The following MOV10L1 variants were observed in gnomAD, a reference collection of about 807,000 sequenced individuals.
The protein encoded by MOV10L1 is RNA helicase Mov10l1.
MOV10L1 carries 110 observed loss-of-function variants against 143.8 expected under a neutral mutation model. The observed-to-expected ratio is 0.76, with a 90% confidence interval of 0.66 to 0.90. MOV10L1 has a LOEUF of 0.90. Among genes scored for constraint, MOV10L1 ranks in the 40% least tolerant of loss-of-function variants. MOV10L1 has a pLI of 0.00. For missense variants in MOV10L1, 1,406 were observed against 1,526.8 expected (o/e 0.92, Z 1.32); for synonymous variants, 593 against 581.1 (o/e 1.02, Z -0.29).
intron 12 of MOV10L1, 82 bp downstream of exon 12, chr22:50,126,354 T>G: frequency 5.4e-5 from 54 of 994,198 alleles, no homozygotes; most frequent in Non-Finnish European, 7.6e-5. Context: ...CCCACGGCTC[T>G]TGGGGAGATG....
intron 1 of MOV10L1, 166 bp downstream of exon 1, chr22:50,090,351 T>TCCGACC: frequency 6.6e-7 from 1 of 1,513,732 alleles, no homozygotes; most frequent in Non-Finnish European, 8.9e-7. Flanking sequence ...TCAGGAGGCT[T>TCCGACC]CCGACCCCAC....
intron 15 of MOV10L1, among the ~76,000 whole-genome samples, chr22:50,137,129 G>T (rs766908035): frequency 2.9e-4 from 44 of 152,164 alleles, no homozygotes; most frequent in Non-Finnish European, 5.1e-4. Flanking sequence ...AATGGACACT[G>T]ACATCTGGTT....
At chr22:50,127,149 G>A (rs2062530940) in intron 12 of MOV10L1, among the ~76,000 whole-genome samples, 1 of 152,080 alleles carries the variant, frequency 6.6e-6, no homozygotes, top group South Asian at 2.1e-4. Context: ...GCCCAAGATG[G>A]CCGAATGACC....
Position 50,125,467 on chromosome 22 carries a change from C to G in MOV10L1, c.1645C>G (p.Leu549Val), listed in dbSNP as rs1173150968. The change falls in exon 11 of 27, where the codon CTG (leucine) becomes GTG (valine). Residue 549 changes from leucine (L) to valine (V), a missense_variant. Around this residue, in one of 3 missense-constraint regions of MOV10L1, gnomAD observed 1,233 missense variants for 1,351.4 expected, o/e 0.91. Coordinates refer to ENST00000262794, the MANE Select transcript of MOV10L1 (RefSeq NM_018995.3). ...WLEEIYAEME[L>V]KEYNMSGIIL... The stretch of plus-strand genomic sequence containing the variant: ...TGAGGAGATTTATGCAGAAATGGAA[C>G]TGAAAGAGTATAACATGAGCGGGAT... The G allele has an allele frequency of 1.9e-6, 3 of 1,614,044 alleles. No individual in the cohort carries two copies. In the Admixed American group the frequency reaches 5.0e-5, roughly 27 times the overall value.
At chr22:50,097,727 C>T (rs1220885882) in intron 2 of MOV10L1, among the ~76,000 whole-genome samples, 1 of 152,116 alleles carries the variant, frequency 6.6e-6, no homozygotes, top group Non-Finnish European at 1.5e-5. Context: ...GACCATTTTG[C>T]CTATTCATGG....
intron 2 of MOV10L1, among the ~76,000 whole-genome samples, 179 bp from the exon 3 acceptor site, chr22:50,099,264 G>A (rs2062674947): frequency 6.6e-6 from 1 of 152,200 alleles, no homozygotes; most frequent in South Asian, 2.1e-4. Context: ...GCCATGTGAG[G>A]ACACAGCAGG....
chr22:50,097,547 A>C (rs1440879083), intron 2 of MOV10L1, among the ~76,000 whole-genome samples: 2 of 152,152 alleles, frequency 1.3e-5, no homozygotes, highest in East Asian at 3.9e-4. Context: ...GGTCCTTGTC[A>C]AAAATCAATT....
chr22:50,096,690 G>A lies in MOV10L1; in HGVS notation c.283-2753G>A, dbSNP rs542819724. Among the ~76,000 whole-genome samples, 20 of 152,026 alleles carry A rather than the reference G, an allele frequency of 1.3e-4. 1 individual carries two copies. Among genetic ancestry groups the A allele is most frequent in the Non-Finnish European group, 2.6e-4 (18 of 68,026 alleles). ...GACAGTAGCTATTCCTCGTAGTTGT[G>A]AGGTAGTATCTCACTGTGGTTTTGA... On this transcript the variant is annotated intron_variant, in intron 2 of 26. Transcript: ENST00000262794.
At position 50,159,470 on chromosome 22, in the gene MOV10L1, C is replaced by T. The variant is rs1170644412; in HGVS notation, c.3217-208C>T. 6.6e-6 allele frequency among the ~76,000 whole-genome samples: 1 copy of T among 152,006 alleles called. No individual in the cohort carries two copies. The highest frequency in any genetic ancestry group is 1.5e-5 in the Non-Finnish European group (1 of 67,992). ...ACAAAAAATTACCCGGGTGTGGTGGCATGCACCCATAATCCCAGCTGCTCA... is the reference window on the plus strand; with the variant it reads ...ACAAAAAATTACCCGGGTGTGGTGGTATGCACCCATAATCCCAGCTGCTCA... On this transcript the variant is annotated intron_variant, in intron 23 of 26. Coordinates refer to ENST00000262794, the MANE Select transcript of MOV10L1 (RefSeq NM_018995.3). The surrounding 1 kb of genome is among the most constrained non-coding windows in gnomAD (Gnocchi z 4.1).
Position 50,090,043 on chromosome 22 carries a change from G to T in MOV10L1, c.-46G>T. On this transcript the variant is annotated 5_prime_UTR_variant, in exon 1 of 27. Coordinates refer to ENST00000262794, the MANE Select transcript of MOV10L1 (RefSeq NM_018995.3). ...CGGCGGGAGCGGCGCGGGCGCGTGC[G>T]GGCGGCGGCAGCGGCGGTGACGGCA... 2.0e-6 allele frequency: 2 copies of T among 984,342 alleles called. No individual in the cohort carries two copies. The highest frequency in any genetic ancestry group is 3.9e-4 in the Middle Eastern group (1 of 2,550). The allele number at this position is 984,342 out of a possible 1,614,324, so 61.0% of individuals were successfully genotyped here.
rs753771524 is a variant in MOV10L1, at chr22:50,091,975, A to G, written c.98-26A>G. 13 of 1,604,296 alleles carry G rather than the reference A, an allele frequency of 8.1e-6. 1 individual carries two copies. In the South Asian group the frequency reaches 1.5e-4, roughly 18 times the overall value. On this transcript the variant is annotated intron_variant, in intron 1 of 26. Coordinates refer to ENST00000262794, the MANE Select transcript of MOV10L1 (RefSeq NM_018995.3). ...GCGTACGCTTGCTTTTATGGCCAAG[A>G]TAACTTCTTTGTTTACCTACCTCAG...
chr22:50,140,233 G>C (rs1402676815), intron 15 of MOV10L1, among the ~76,000 whole-genome samples: 2 of 152,214 alleles, frequency 1.3e-5, no homozygotes, highest in Non-Finnish European at 2.9e-5. Context: ...TATGAAGTTC[G>C]AGAGCATGTG....
At chr22:50,128,671 A>G (rs775335784) in intron 13 of MOV10L1, among the ~76,000 whole-genome samples, 164 bp downstream of exon 13, 1 of 151,390 alleles carries the variant, frequency 6.6e-6, no homozygotes, top group Non-Finnish European at 1.5e-5. Context: ...CGGCCTCCCA[A>G]GTAGCTGGGA....
chr22:50,101,502 A>G (rs1220251303), intron 3 of MOV10L1, among the ~76,000 whole-genome samples: 1 of 149,496 alleles, frequency 6.7e-6, no homozygotes, highest in African/African-American at 2.5e-5. Flanking sequence ...ACTGCGCCTG[A>G]CCTTTTGTGG....
At chr22:50,161,307 C>A in intron 26 of MOV10L1, 61 bp from the exon 27 acceptor site, 1 of 1,348,456 alleles carries the variant, frequency 7.4e-7, no homozygotes, top group South Asian at 1.4e-5. Context: ...GAAAAGAGTG[C>A]AGCTCCCAGC....
intron 3 of MOV10L1, among the ~76,000 whole-genome samples, chr22:50,101,281 T>C (rs1308499167): frequency 6.6e-6 from 1 of 152,170 alleles, no homozygotes; most frequent in East Asian, 1.9e-4. Flanking sequence ...AGTAGCACAA[T>C]CTTGGCTTAC....
intron 24 of MOV10L1, 128 bp from the exon 25 acceptor site, chr22:50,160,560 C>A: frequency 7.8e-7 from 1 of 1,276,456 alleles, no homozygotes; most frequent in Non-Finnish European, 1.1e-6. Context: ...CCTCCTGTTT[C>A]TTTTTGAACC....
At chr22:50,157,557 A>C (rs1196718847) in intron 22 of MOV10L1, among the ~76,000 whole-genome samples, 2 of 151,996 alleles carry the variant, frequency 1.3e-5, no homozygotes, top group East Asian at 1.9e-4. Context: ...GTGGCTCTCT[A>C]GTTTTTCCAG....
intron 9 of MOV10L1, 26 bp from the exon 10 acceptor site, chr22:50,120,476 T>C: frequency 6.8e-7 from 1 of 1,464,268 alleles, no homozygotes; most frequent in Admixed American, 1.7e-5. Context: ...AGACTTATTT[T>C]TAACTTGTGA....
Sources: gnomAD v4.1 joint callset for allele counts (sites outside exome capture counted in the v4.1 genomes callset) on GRCh38, gnomAD v4.1.1 for gene constraint, gnomAD v4.1.1 regional missense constraint, Gnocchi (gnomAD v3.1) non-coding constraint, MANE v1.5 for transcripts, NCBI Gene and HGNC (gene_info 2026-07-23, HGNC 2026-07-21) for gene names.